CARMIL1: variants seen among roughly 807,000 people sequenced by gnomAD.
CARMIL1 encodes F-actin-uncapping protein LRRC16A.
Under a neutral mutation model 177.1 loss-of-function variants are expected in CARMIL1, and 90 were observed. The observed-to-expected ratio is 0.51, with a 90% CI of 0.43 to 0.61. The LOEUF is 0.61. Ranked by LOEUF, CARMIL1 falls within the 20% of genes least tolerant of loss-of-function variation. CARMIL1 has a pLI of 0.00. For missense variants in CARMIL1, 1,380 were observed against 1,667.0 expected (o/e 0.83, Z 3.00); for synonymous variants, 577 against 606.2 (o/e 0.95, Z 0.71).
chr6:25,343,589 G>T (rs1270520884), intron 2 of CARMIL1, among the ~76,000 whole-genome samples: 1 of 152,034 alleles, frequency 6.6e-6, no homozygotes, highest in Non-Finnish European at 1.5e-5. Flanking sequence ...CTGGACTCCC[G>T]TGTCATCTCT....
chr6:25,299,203 C>T lies in CARMIL1; in HGVS notation c.138+14294C>T, dbSNP rs138316581. On this transcript the variant is annotated intron_variant, in intron 2 of 36. Coordinates refer to ENST00000329474, the MANE Select transcript of CARMIL1 (RefSeq NM_017640.6). Reference sequence around the variant, plus strand: ...TTTTTTTTTTTGGGAAAGAGTCTCACTCTGTTGTCCAGGCTGGAGTGCAGT... The same window carrying T: ...TTTTTTTTTTTGGGAAAGAGTCTCATTCTGTTGTCCAGGCTGGAGTGCAGT... 4.2e-3 allele frequency among the ~76,000 whole-genome samples: 606 copies of T among 144,882 alleles called. 7 individuals carry two copies. Among genetic ancestry groups the T allele is most frequent in the African/African-American group, 0.014 (553 of 38,632 alleles).
chr6:25,472,498 C>T lies in CARMIL1; in HGVS notation c.851C>T (p.Ala284Val). Residue 284 changes from alanine to valine, a missense_variant, in exon 11 of 37, where the codon GCT becomes GTT. Ala to Val is a moderately conservative substitution (Grantham distance 64, BLOSUM62 0). Coordinates refer to ENST00000329474, the MANE Select transcript of CARMIL1 (RefSeq NM_017640.6). Reference sequence around the variant, plus strand: ...TCAGGACTCCACACAATTAACCTTGCTGGCAACCCACTGGAGGATAGAGGT... The same window carrying T: ...TCAGGACTCCACACAATTAACCTTGTTGGCAACCCACTGGAGGATAGAGGT... ...PNSGLHTINL[A>V]GNPLEDRGVS... 1.3e-6 allele frequency: 2 copies of T among 1,579,716 alleles called. No individual in the cohort carries two copies. Among genetic ancestry groups the T allele is most frequent in the Non-Finnish European group, 1.7e-6 (2 of 1,161,920 alleles).
intron 2 of CARMIL1, among the ~76,000 whole-genome samples, chr6:25,373,215 C>T (rs1298670808): frequency 6.8e-6 from 1 of 147,198 alleles, no homozygotes; most frequent in East Asian, 2.0e-4. Context: ...TTTTCTTTGT[C>T]TTTTTTTTTT....
chr6:25,284,601 C>A (rs371245774), intron 1 of CARMIL1, among the ~76,000 whole-genome samples: 1 of 152,074 alleles, frequency 6.6e-6, no homozygotes, highest in Non-Finnish European at 1.5e-5. Flanking sequence ...CTCAGCTGTT[C>A]GGGAAGCTGA....
Position 25,386,593 on chromosome 6 carries a change from A to G in CARMIL1, c.139-33521A>G, listed in dbSNP as rs1313423542. 2.0e-5 allele frequency among the ~76,000 whole-genome samples: 3 copies of G among 152,128 alleles called. No individual in the cohort carries two copies. The South Asian group carries it at 6.2e-4, about 32-fold the overall frequency. On this transcript the variant is annotated intron_variant, in intron 2 of 36. Coordinates refer to ENST00000329474, the MANE Select transcript of CARMIL1 (RefSeq NM_017640.6). ...TACTTGAACTTTGTTAGTATGGTTT[A>G]GGAGTAGGAACTTTAAAATGAAAAC... is the stretch of plus-strand genomic sequence containing the variant.
chr6:25,406,592 G>A (rs755789574), intron 2 of CARMIL1, among the ~76,000 whole-genome samples: 1 of 152,130 alleles, frequency 6.6e-6, no homozygotes. Flanking sequence ...TAGAGATGGA[G>A]AGAAGTGAAT....
At chr6:25,438,202 T>C (rs1797397442) in intron 5 of CARMIL1, among the ~76,000 whole-genome samples, 1 of 152,192 alleles carries the variant, frequency 6.6e-6, no homozygotes, top group Non-Finnish European at 1.5e-5. Context: ...CCAAAGAACT[T>C]TGGATCACTT....
intron 36 of CARMIL1, among the ~76,000 whole-genome samples, chr6:25,614,089 G>A (rs545941998): frequency 2.0e-5 from 3 of 152,266 alleles, no homozygotes; most frequent in South Asian, 4.1e-4. Flanking sequence ...AAGTGGGAAC[G>A]GTTCTCTTTG....
At chr6:25,371,928 T>A (rs779529201) in intron 2 of CARMIL1, among the ~76,000 whole-genome samples, 1 of 152,200 alleles carries the variant, frequency 6.6e-6, no homozygotes, top group African/African-American at 2.4e-5. Flanking sequence ...GATTTTTGTA[T>A]ATGGTGAGAG....
chr6:25,369,331 T>C (rs1790160830), intron 2 of CARMIL1, among the ~76,000 whole-genome samples: 1 of 152,022 alleles, frequency 6.6e-6, no homozygotes, highest in Non-Finnish European at 1.5e-5. Context: ...CTCAACCCAT[T>C]GATCGCTCTT....
intron 2 of CARMIL1, 42 bp from the exon 3 acceptor site, chr6:25,420,072 C>A: frequency 6.4e-7 from 1 of 1,554,466 alleles, no homozygotes; most frequent in East Asian, 2.2e-5. Flanking sequence ...ACTGGCCCCA[C>A]TTTTTGGTGC....
chr6:25,370,624 A>C (rs1262455596), intron 2 of CARMIL1, among the ~76,000 whole-genome samples: 1 of 152,220 alleles, frequency 6.6e-6, no homozygotes, highest in East Asian at 1.9e-4. Context: ...ATGATAGAGT[A>C]GCACTATGGG....
chr6:25,616,655 G>A (rs937611683), intron 36 of CARMIL1, among the ~76,000 whole-genome samples: 3 of 152,176 alleles, frequency 2.0e-5, no homozygotes, highest in African/African-American at 7.2e-5. Flanking sequence ...TCAAACAGAC[G>A]TAATTCTATT....
intron 2 of CARMIL1, among the ~76,000 whole-genome samples, chr6:25,397,196 T>G (rs1249449591): frequency 6.6e-6 from 1 of 152,158 alleles, no homozygotes; most frequent in Admixed American, 6.5e-5. Flanking sequence ...TCTTTCTAGC[T>G]CAGTCATTTG....
In CARMIL1 at chr6:25,554,157, G is replaced by T; in HGVS notation, c.2592+61G>T. Reference sequence around the variant, plus strand: ...TTTCAGCTCTGCTGTGATGCAGGATGACTTCCGGTGTGGGGATGTGATTTC... The same window carrying T: ...TTTCAGCTCTGCTGTGATGCAGGATTACTTCCGGTGTGGGGATGTGATTTC... On this transcript the variant is annotated intron_variant, in intron 28 of 36. Transcript: ENST00000329474. The surrounding 1 kb of genome is among the most constrained non-coding windows in gnomAD (Gnocchi z 4.6). The T allele has an allele frequency of 8.8e-7, 1 of 1,135,374 alleles. No homozygotes were observed. The highest frequency in any genetic ancestry group is 1.3e-5 in the South Asian group (1 of 75,734). 70.3% of individuals were successfully genotyped at this position (1,135,374 alleles called of 1,614,324 possible).
In CARMIL1 at chr6:25,540,014, C is replaced by T; in HGVS notation, c.2264C>T (p.Pro755Leu). The T allele has an allele frequency of 6.2e-7, 1 of 1,608,518 alleles. No individual in the cohort carries two copies. Among genetic ancestry groups the T allele is most frequent in the Non-Finnish European group, 8.5e-7 (1 of 1,177,450 alleles). ...GGAGCCAGTGGCTTACTATCCAGTC[C>T]AATTCAGGAGACCCTGGAATCAATG... ...WAGASGLLSS[P>L]IQETLESMAG... Residue 755 changes from proline to leucine, a missense_variant, in exon 26 of 37, where the codon CCA (proline) becomes CTA (leucine). By Grantham distance (98) the Pro-to-Leu change is moderately conservative (BLOSUM62 -3). Transcript: ENST00000329474.
chr6:25,615,242 A>T (rs1816806541), intron 36 of CARMIL1, among the ~76,000 whole-genome samples: 1 of 152,244 alleles, frequency 6.6e-6, no homozygotes, highest in Admixed American at 6.5e-5. Context: ...ACACTAAAAC[A>T]GCCTTATTTT....
chr6:25,514,929 C>CAA (rs34908768), intron 20 of CARMIL1, among the ~76,000 whole-genome samples: 1 of 133,940 alleles, frequency 7.5e-6, no homozygotes. Context: ...GACCCTGTCT[C>CAA]AAAAAAAAAA....
intron 2 of CARMIL1, among the ~76,000 whole-genome samples, chr6:25,337,488 A>G (rs1786380391): frequency 6.6e-6 from 1 of 152,232 alleles, no homozygotes. Flanking sequence ...CAACTCTAAA[A>G]AATTGAATGT....
Sources: gnomAD v4.1 joint callset for allele counts (sites outside exome capture counted in the v4.1 genomes callset) on GRCh38, gnomAD v4.1.1 for gene constraint, Gnocchi (gnomAD v3.1) non-coding constraint, MANE v1.5 for transcripts, NCBI Gene and HGNC (gene_info 2026-07-23, HGNC 2026-07-21) for gene names.